Variants in HS6ST3 observed in about 807,000 individuals in gnomAD.
HS6ST3 encodes the protein heparan-sulfate 6-O-sulfotransferase 3.
Under a neutral mutation model 36.7 loss-of-function variants are expected in HS6ST3, and 12 were observed. The ratio of observed to expected loss-of-function variants is 0.33; its 90% CI spans 0.21 to 0.53. The LOEUF is 0.53. Ranked by LOEUF, HS6ST3 falls within the 20% of genes least tolerant of loss-of-function variation. The pLI is 0.95. For synonymous variants in HS6ST3, 240 were observed against 257.5 expected (o/e 0.93, Z 0.65); for missense variants, 584 against 640.9 (o/e 0.91, Z 0.96).
At chr13:96,582,965 T>C (rs1245543376) in intron 1 of HS6ST3, among the ~76,000 whole-genome samples, 1 of 152,116 alleles carries the variant, frequency 6.6e-6, no homozygotes, top group Non-Finnish European at 1.5e-5. Context: ...GTTGTTCATC[T>C]GAAATCAAAA....
chr13:96,679,546 T>A (rs545173463), intron 1 of HS6ST3, among the ~76,000 whole-genome samples: 3 of 152,166 alleles, frequency 2.0e-5, no homozygotes, highest in Admixed American at 2.0e-4. Flanking sequence ...CCATCACCCA[T>A]GCTTTAAACC....
At chr13:96,779,054 C>T (rs1877461747) in intron 1 of HS6ST3, among the ~76,000 whole-genome samples, 1 of 151,950 alleles carries the variant, frequency 6.6e-6, no homozygotes. Flanking sequence ...TCATTCTCAG[C>T]AAACTAACAG....
intron 1 of HS6ST3, among the ~76,000 whole-genome samples, chr13:96,617,724 A>G (rs1202570325): frequency 6.6e-6 from 1 of 152,176 alleles, no homozygotes; most frequent in Non-Finnish European, 1.5e-5. Flanking sequence ...AAGCAGCAGT[A>G]TCAATCAACA....
At chr13:96,812,293 C>T (rs898553108) in intron 1 of HS6ST3, among the ~76,000 whole-genome samples, 21 of 152,178 alleles carry the variant, frequency 1.4e-4, no homozygotes, top group East Asian at 1.9e-4. Flanking sequence ...AAGCTTCTTG[C>T]GGTCCAATAT....
At chr13:96,627,389 G>A (rs762104511) in intron 1 of HS6ST3, among the ~76,000 whole-genome samples, 2 of 151,884 alleles carry the variant, frequency 1.3e-5, no homozygotes, top group East Asian at 1.9e-4. Context: ...TATGTTGAGC[G>A]TCTTTTTAAT....
chr13:96,291,962 A>G (rs1594744845), intron 1 of HS6ST3, among the ~76,000 whole-genome samples: 1 of 152,288 alleles, frequency 6.6e-6, no homozygotes, highest in East Asian at 1.9e-4. Flanking sequence ...ATAGAAAGCT[A>G]TATTACAAGA....
intron 1 of HS6ST3, among the ~76,000 whole-genome samples, chr13:96,178,034 A>G (rs572465608): frequency 9.9e-5 from 15 of 152,092 alleles, no homozygotes; most frequent in Non-Finnish European, 1.9e-4. Context: ...GGGAGGCCTT[A>G]TCTTTTAGAG....
At chr13:96,724,466 A>C (rs969302680) in intron 1 of HS6ST3, among the ~76,000 whole-genome samples, 33 of 152,320 alleles carry the variant, frequency 2.2e-4, no homozygotes, top group African/African-American at 7.9e-4. Context: ...GATACTGAAC[A>C]GATCCATCCA....
chr13:96,639,438 A>G (rs1482849502), intron 1 of HS6ST3, among the ~76,000 whole-genome samples: 1 of 152,004 alleles, frequency 6.6e-6, no homozygotes, highest in African/African-American at 2.4e-5. Flanking sequence ...TGTCTCTTTT[A>G]AAAGCATGTA....
At chr13:96,211,887 A>T (rs1594718163) in intron 1 of HS6ST3, among the ~76,000 whole-genome samples, 1 of 152,202 alleles carries the variant, frequency 6.6e-6, no homozygotes, top group African/African-American at 2.4e-5. Flanking sequence ...TTAACTTTCA[A>T]CAACCCCAGA....
At chr13:96,658,268 C>CTTCTTTTTTT (rs1566422902) in intron 1 of HS6ST3, among the ~76,000 whole-genome samples, 12 of 76,166 alleles carry the variant, frequency 1.6e-4, no homozygotes, top group Non-Finnish European at 2.4e-4. Context: ...TCTTCTTCTT[C>CTTCTTTTTTT]TTTTTTTTTT....
At chr13:96,738,738 C>T (rs573619380) in intron 1 of HS6ST3, among the ~76,000 whole-genome samples, 1 of 151,904 alleles carries the variant, frequency 6.6e-6, no homozygotes, top group Non-Finnish European at 1.5e-5. Flanking sequence ...ATATTTAAAC[C>T]CAGTTACATT....
intron 1 of HS6ST3, among the ~76,000 whole-genome samples, chr13:96,638,711 C>T (rs191060779): frequency 2.0e-5 from 3 of 151,920 alleles, no homozygotes; most frequent in Admixed American, 1.3e-4. Flanking sequence ...TTCCTGAGAC[C>T]TCCCCAGCCC....
In HS6ST3 at chr13:96,595,320, C is replaced by A. The variant is rs889504690; in HGVS notation, c.708-237170C>A. Among the ~76,000 whole-genome samples the A allele has an allele frequency of 2.6e-5, 4 of 152,254 alleles. 1 individual carries two copies. Among genetic ancestry groups the A allele is most frequent in the Admixed American group, 2.6e-4 (4 of 15,292 alleles). On this transcript the variant is annotated intron_variant, in intron 1 of 1. Coordinates refer to ENST00000376705, the MANE Select transcript of HS6ST3 (RefSeq NM_153456.4). The stretch of plus-strand genomic sequence containing the variant: ...TCTTGGCCTTGCTAAGTGCTAGGAT[C>A]CTTCAGAACTTTGAATTTATCATCC...
intron 1 of HS6ST3, among the ~76,000 whole-genome samples, chr13:96,471,229 C>G (rs2055838646): frequency 6.6e-6 from 1 of 152,194 alleles, no homozygotes; most frequent in African/African-American, 2.4e-5. Context: ...AGACATTTAT[C>G]TTGGATGTCC....
chr13:96,687,958 A>G (rs1874830736), intron 1 of HS6ST3, among the ~76,000 whole-genome samples: 1 of 151,788 alleles, frequency 6.6e-6, no homozygotes, highest in Non-Finnish European at 1.5e-5. Flanking sequence ...TTAGCAAACT[A>G]TCACAAGGAC....
chr13:96,446,010 A>C (rs531646406), intron 1 of HS6ST3, among the ~76,000 whole-genome samples: 1 of 152,170 alleles, frequency 6.6e-6, no homozygotes. Context: ...GTCTCTACTA[A>C]AAATACAAAA....
intron 1 of HS6ST3, among the ~76,000 whole-genome samples, chr13:96,460,940 A>G (rs2055781325): frequency 6.6e-6 from 1 of 152,224 alleles, no homozygotes; most frequent in South Asian, 2.1e-4. Context: ...CAGAAATGAA[A>G]AAAGCATCGT....
At chr13:96,538,610 A>C (rs1303505501) in intron 1 of HS6ST3, among the ~76,000 whole-genome samples, 1 of 152,080 alleles carries the variant, frequency 6.6e-6, no homozygotes, top group East Asian at 1.9e-4. Context: ...TGCCCGGCTA[A>C]TTTTTGAATT....
Sources: gnomAD v4.1 joint callset for allele counts (sites outside exome capture counted in the v4.1 genomes callset) on GRCh38, gnomAD v4.1.1 for gene constraint, MANE v1.5 for transcripts, NCBI Gene and HGNC (gene_info 2026-07-23, HGNC 2026-07-21) for gene names.